Variants in PDE4B observed in about 807,000 individuals in gnomAD.
The protein encoded by PDE4B is phosphodiesterase 4B, also known as 3',5'-cyclic-AMP phosphodiesterase 4B.
PDE4B carries 20 observed loss-of-function variants against 82.2 expected under a neutral mutation model. That is an observed-to-expected ratio of 0.24 (90% CI 0.17 to 0.35). PDE4B has a LOEUF of 0.35. Ranked by LOEUF, PDE4B falls within the 10% of genes least tolerant of loss-of-function variation. The pLI is 1.00. For missense variants in PDE4B, 655 were observed against 907.2 expected, an observed-to-expected ratio of 0.72 and a Z score of 3.57; for synonymous variants, 320 against 318.9, an observed-to-expected ratio of 1.00 and a Z score of -0.04.
rs1380008866 is a variant in PDE4B, at chr1:66,373,973, CT to C, written c.*1299del. 3.3e-5 allele frequency: 5 copies of C among 152,586 alleles called. No homozygotes were observed. Among genetic ancestry groups the C allele is most frequent in the African/African-American group, 1.2e-4 (5 of 41,446 alleles). 9.5% of individuals were successfully genotyped at this position (152,586 alleles called of 1,614,324 possible). On this transcript the variant is annotated 3_prime_UTR_variant, in exon 17 of 17. Transcript: ENST00000341517. Reference sequence around the variant, plus strand: ...TAGATACTAAATGGTTTATACTGAGCTTTTACTTTTGTATAGCTTGATAGGG... The same window carrying C: ...TAGATACTAAATGGTTTATACTGAGCTTTACTTTTGTATAGCTTGATAGGG...
intron 1 of PDE4B, among the ~76,000 whole-genome samples, chr1:65,872,874 A>AT (rs34404683): frequency 3.3e-5 from 5 of 152,140 alleles, no homozygotes; most frequent in South Asian, 2.1e-4. Context: ...AGAGGTTATC[A>AT]TTTTTTCCCA....
chr1:66,090,661 G>GTATA (rs369883269), intron 3 of PDE4B, among the ~76,000 whole-genome samples: 2 of 119,160 alleles, frequency 1.7e-5, no homozygotes, highest in Non-Finnish European at 3.5e-5. Flanking sequence ...ATATATGTAT[G>GTATA]TATATATGTG....
intron 3 of PDE4B, among the ~76,000 whole-genome samples, chr1:66,230,905 G>A (rs1651896147): frequency 2.6e-5 from 4 of 152,006 alleles, no homozygotes; most frequent in South Asian, 4.2e-4. Flanking sequence ...AATTAGCGGG[G>A]CACAGTGGCA....
chr1:65,831,524 T>A (rs1010298644), intron 1 of PDE4B, among the ~76,000 whole-genome samples: 5 of 152,156 alleles, frequency 3.3e-5, no homozygotes, highest in Admixed American at 3.3e-4. Flanking sequence ...TAAATTGAAT[T>A]TTTAGTTTAA....
intron 3 of PDE4B, among the ~76,000 whole-genome samples, chr1:65,921,957 A>G (rs998224332): frequency 6.6e-6 from 1 of 152,238 alleles, no homozygotes; most frequent in African/African-American, 2.4e-5. Flanking sequence ...ATCCGTTCTA[A>G]TGAAAAGTAC....
At chr1:66,004,106 A>G (rs924944819) in intron 3 of PDE4B, among the ~76,000 whole-genome samples, 1 of 152,188 alleles carries the variant, frequency 6.6e-6, no homozygotes, top group Non-Finnish European at 1.5e-5. Context: ...GAAAAATTAG[A>G]AAAACTCTAC....
At chr1:66,143,077 G>A (rs1284114580) in intron 3 of PDE4B, among the ~76,000 whole-genome samples, 3 of 152,214 alleles carry the variant, frequency 2.0e-5, no homozygotes, top group Non-Finnish European at 4.4e-5. Flanking sequence ...ATTAGAGTAA[G>A]AAGCCCAGAA....
chr1:66,181,875 A>G (rs1647071239), intron 3 of PDE4B, among the ~76,000 whole-genome samples: 1 of 152,164 alleles, frequency 6.6e-6, no homozygotes, highest in Non-Finnish European at 1.5e-5. Flanking sequence ...TTGATTTGCT[A>G]TGATTGGCCT....
intron 3 of PDE4B, among the ~76,000 whole-genome samples, chr1:66,155,414 C>T (rs1257116027): frequency 6.6e-6 from 1 of 152,010 alleles, no homozygotes; most frequent in Non-Finnish European, 1.5e-5. Context: ...ATTTCAGATT[C>T]AAAAATATAT....
At chr1:65,847,798 T>A (rs1646283896) in intron 1 of PDE4B, among the ~76,000 whole-genome samples, 1 of 152,210 alleles carries the variant, frequency 6.6e-6, no homozygotes, top group Non-Finnish European at 1.5e-5. Context: ...AGCCCTGAGC[T>A]TGGAACATTT....
At chr1:66,262,947 ACATTTGGGG>A (rs1654792092) in intron 6 of PDE4B, among the ~76,000 whole-genome samples, 1 of 152,222 alleles carries the variant, frequency 6.6e-6, no homozygotes, top group East Asian at 1.9e-4. Flanking sequence ...GAGATTTCTG[ACATTTGGGG>A]TCTCCTAGTT....
chr1:66,052,894 C>G (rs992215608), intron 3 of PDE4B, among the ~76,000 whole-genome samples: 1 of 149,400 alleles, frequency 6.7e-6, no homozygotes, highest in East Asian at 2.0e-4. Context: ...ATTTTACATT[C>G]GAGACTACAC....
intron 3 of PDE4B, chr1:66,112,910 G>T (rs1570266543): frequency 6.6e-6 from 1 of 152,142 alleles, no homozygotes; most frequent in Admixed American, 6.5e-5. Context: ...CTTAAAACTG[G>T]GTCTTCCACT....
chr1:65,877,057 A>G (rs1472492884), intron 1 of PDE4B, among the ~76,000 whole-genome samples: 1 of 152,194 alleles, frequency 6.6e-6, no homozygotes, highest in Non-Finnish European at 1.5e-5. Context: ...AAACTGTTTT[A>G]AATTTCATAT....
chr1:66,305,146 G>A (rs559737396), intron 7 of PDE4B, among the ~76,000 whole-genome samples: 76 of 152,246 alleles, frequency 5.0e-4, no homozygotes, highest in African/African-American at 1.8e-3. Flanking sequence ...AAAGCAAAGC[G>A]TAAGGGATGG....
rs144459038 is a variant in PDE4B, at chr1:66,323,817, C to T, written c.635-8691C>T. On this transcript the variant is annotated intron_variant, in intron 7 of 16. Transcript: ENST00000341517. ...TGGAATATGAACCAAGGCAGTCTAA[C>T]CCCAGAGACCAAGCTTTTAATCACT... 2.9e-3 allele frequency among the ~76,000 whole-genome samples: 440 copies of T among 152,222 alleles called. 1 individual carries two copies. The highest frequency in any genetic ancestry group is 8.7e-3 in the South Asian group (42 of 4,828).
Position 65,874,286 on chromosome 1 carries a change from G to A in PDE4B, c.-70-38959G>A, listed in dbSNP as rs953499840. Among the ~76,000 whole-genome samples, 5 of 152,168 alleles carry A rather than the reference G, an allele frequency of 3.3e-5. No individual in the cohort carries two copies. In the East Asian group the frequency reaches 9.7e-4, roughly 29 times the overall value. On this transcript the variant is annotated intron_variant, in intron 1 of 16. Coordinates refer to ENST00000341517, the MANE Select transcript of PDE4B (RefSeq NM_002600.4). ...TGATTTTGTATCCTGAGACTTTGCT[G>A]AAGTTGCTGATCAGCTTAAGGAGAT...
chr1:66,213,245 G>T (rs1459745158), intron 3 of PDE4B, among the ~76,000 whole-genome samples: 1 of 152,146 alleles, frequency 6.6e-6, no homozygotes, highest in African/African-American at 2.4e-5. Flanking sequence ...AAGATACCTT[G>T]ACTTTCTTCT....
intron 1 of PDE4B, among the ~76,000 whole-genome samples, chr1:65,906,309 C>A (rs1435639564): frequency 1.3e-5 from 2 of 152,090 alleles, no homozygotes; most frequent in Admixed American, 6.6e-5. Flanking sequence ...TCCACTAATG[C>A]CATCTTCACT....
Sources: gnomAD v4.1 joint callset for allele counts (sites outside exome capture counted in the v4.1 genomes callset) on GRCh38, gnomAD v4.1.1 for gene constraint, MANE v1.5 for transcripts, NCBI Gene and HGNC (gene_info 2026-07-23, HGNC 2026-07-21) for gene names.